NTNG2: variants seen among roughly 807,000 people sequenced by gnomAD.
NTNG2 encodes netrin G2, also known as netrin-G2.
A neutral mutation model predicts 47.6 loss-of-function variants in NTNG2; 15 were observed. The ratio of observed to expected loss-of-function variants is 0.32; its 90% CI spans 0.21 to 0.49. The LOEUF is 0.49. NTNG2 is among the 20% of genes least tolerant of loss of function. The probability of loss-of-function intolerance (pLI) is 0.99; values close to 1 mark genes in which losing one functional copy is unlikely to be tolerated. For missense variants in NTNG2, 578 were observed against 764.6 expected, an observed-to-expected ratio of 0.76 and a Z score of 2.88; for synonymous variants, 307 against 324.6, an observed-to-expected ratio of 0.95 and a Z score of 0.58.
In NTNG2 at chr9:132,180,576, C is replaced by T. The variant is rs370517286; in HGVS notation, c.213+13532C>T. Among the ~76,000 whole-genome samples the T allele has an allele frequency of 2.0e-5, 3 of 152,360 alleles. No homozygotes were observed. The highest frequency in any genetic ancestry group is 1.9e-4 in the East Asian group (1 of 5,184). On this transcript the variant is annotated intron_variant, in intron 2 of 7. Coordinates refer to ENST00000393229, the MANE Select transcript of NTNG2 (RefSeq NM_032536.4). The surrounding 1 kb of genome is among the most constrained non-coding windows in gnomAD (Gnocchi z 4.2). ...CTGGCTGCCAGGAACTGGGTGGCCCCGGGCAAGTCTCTTCCCATTTCGGGG... is the reference window on the plus strand; with the variant it reads ...CTGGCTGCCAGGAACTGGGTGGCCCTGGGCAAGTCTCTTCCCATTTCGGGG...
intron 3 of NTNG2, among the ~76,000 whole-genome samples, chr9:132,223,161 C>T (rs1459274502): frequency 6.6e-6 from 1 of 152,076 alleles, no homozygotes; most frequent in African/African-American, 2.4e-5. Flanking sequence ...ATTTCCCTAA[C>T]CATTCTGCAG....
At chr9:132,176,443 A>G (rs1012355605) in intron 2 of NTNG2, among the ~76,000 whole-genome samples, 2 of 152,200 alleles carry the variant, frequency 1.3e-5, no homozygotes, top group African/African-American at 4.8e-5. Context: ...ATCAGACAAT[A>G]TGAGGCTCTT....
At chr9:132,169,927 G>A (rs537325296) in intron 2 of NTNG2, among the ~76,000 whole-genome samples, 1 of 152,336 alleles carries the variant, frequency 6.6e-6, no homozygotes, top group East Asian at 1.9e-4. Context: ...GAAGATGCAG[G>A]CTGGGGGAGC....
At chr9:132,225,774 G>A (rs1224214663) in intron 3 of NTNG2, among the ~76,000 whole-genome samples, 1 of 152,178 alleles carries the variant, frequency 6.6e-6, no homozygotes, top group Non-Finnish European at 1.5e-5. Context: ...TAATTGGTAT[G>A]CTTTTGAGGT....
intron 2 of NTNG2, among the ~76,000 whole-genome samples, chr9:132,187,569 AAGAGAGAGAG>A (rs66498690): frequency 3.6e-5 from 5 of 139,054 alleles, no homozygotes; most frequent in South Asian, 2.5e-4. Flanking sequence ...GAGAGGGAGC[AAGAGAGAGAG>A]AGAGAGAGAG....
intron 3 of NTNG2, among the ~76,000 whole-genome samples, chr9:132,222,906 T>C (rs1840446022): frequency 6.6e-6 from 1 of 151,782 alleles, no homozygotes; most frequent in African/African-American, 2.4e-5. Flanking sequence ...CAACCAGGAG[T>C]TTGAGACCAG....
intron 2 of NTNG2, among the ~76,000 whole-genome samples, chr9:132,185,858 GGGA>G (rs1384685225): frequency 2.7e-5 from 4 of 148,632 alleles, no homozygotes; most frequent in African/African-American, 7.5e-5. Flanking sequence ...GAGGAGGAGT[GGGA>G]GGAGGAGGAG....
In NTNG2 at chr9:132,172,722, A is replaced by ATTTTT. The variant is rs35406789; in HGVS notation, c.213+5698_213+5702dup. Among the ~76,000 whole-genome samples the ATTTTT allele has an allele frequency of 1.4e-3, 121 of 83,468 alleles. 2 individuals carry two copies. The highest frequency in any genetic ancestry group is 5.6e-3 in the African/African-American group (114 of 20,236). The allele number at this position is 83,468 out of a possible 152,430, so 54.8% of individuals were successfully genotyped here. ...TCAGAGGAGGCAGGATCAGGGCTGT[A>ATTTTT]TTTTTTTTTTTTTTTTTTTTTTTTG... On this transcript the variant is annotated intron_variant, in intron 2 of 7. Coordinates refer to ENST00000393229, the MANE Select transcript of NTNG2 (RefSeq NM_032536.4).
chr9:132,194,952 C>G (rs1347526802), intron 2 of NTNG2, among the ~76,000 whole-genome samples: 1 of 152,346 alleles, frequency 6.6e-6, no homozygotes, highest in Non-Finnish European at 1.5e-5. Context: ...GGGGGCCAAA[C>G]AGCTCATTTG....
intron 2 of NTNG2, among the ~76,000 whole-genome samples, chr9:132,174,666 A>G (rs981335397): frequency 3.9e-5 from 6 of 152,220 alleles, no homozygotes; most frequent in African/African-American, 1.4e-4. Context: ...TCAAGCCTGT[A>G]ATCCCAGCTC....
intron 3 of NTNG2, among the ~76,000 whole-genome samples, chr9:132,216,428 A>ATGTG (rs10578395): frequency 3.4e-4 from 30 of 87,672 alleles, no homozygotes; most frequent in Non-Finnish European, 4.9e-4. Flanking sequence ...GTGTGTGTGT[A>ATGTG]TGTGTGTGTG....
chr9:132,188,399 C>G (rs1254048191), intron 2 of NTNG2, among the ~76,000 whole-genome samples: 1 of 152,240 alleles, frequency 6.6e-6, no homozygotes, highest in Non-Finnish European at 1.5e-5. Context: ...CGTCCTTTCC[C>G]TTTTGGGTGA....
intron 3 of NTNG2, among the ~76,000 whole-genome samples, chr9:132,210,009 G>A (rs1375951723): frequency 1.3e-5 from 2 of 152,050 alleles, no homozygotes; most frequent in Admixed American, 1.3e-4. Context: ...TGTGTAAGGA[G>A]GAAAGGCTGA....
intron 2 of NTNG2, among the ~76,000 whole-genome samples, chr9:132,170,153 G>A (rs1490416894): frequency 7.2e-5 from 11 of 152,210 alleles, no homozygotes; most frequent in African/African-American, 1.4e-4. Context: ...ACCCAGGGGC[G>A]GACGGCCTTT....
intron 2 of NTNG2, among the ~76,000 whole-genome samples, chr9:132,169,990 C>G (rs553854617): frequency 6.6e-6 from 1 of 152,348 alleles, no homozygotes; most frequent in South Asian, 2.1e-4. Context: ...AGGGGGCGCC[C>G]TAATGGCGGC....
At chr9:132,222,934 G>A (rs572207221) in intron 3 of NTNG2, among the ~76,000 whole-genome samples, 19 of 152,248 alleles carry the variant, frequency 1.2e-4, no homozygotes, top group African/African-American at 4.6e-4. Flanking sequence ...AACACAGGGA[G>A]ACCCTATCTC....
intron 3 of NTNG2, among the ~76,000 whole-genome samples, chr9:132,205,817 G>A (rs1320486703): frequency 6.6e-6 from 1 of 152,124 alleles, no homozygotes; most frequent in African/African-American, 2.4e-5. Context: ...GGAAGTGGAG[G>A]TTGCAGTGAA....
In NTNG2 at chr9:132,223,007, G is replaced by A. The variant is rs140712497; in HGVS notation, c.858-3842G>A. ...CACGCGACTGTGGTCCCAGCTACTC[G>A]GGAGGCTGAGGAGGGAGGATTGCTT... On this transcript the variant is annotated intron_variant, in intron 3 of 7. Transcript: ENST00000393229. 7.5e-3 allele frequency among the ~76,000 whole-genome samples: 1,141 copies of A among 152,274 alleles called. 19 individuals carry two copies. Among genetic ancestry groups the A allele is most frequent in the African/African-American group, 0.026 (1,086 of 41,536 alleles).
rs1433846980 is a variant in NTNG2 at position 132,229,703 on chromosome 9, C to T, written c.1031-869C>T. 2.0e-5 allele frequency among the ~76,000 whole-genome samples: 3 copies of T among 152,220 alleles called. 1 individual carries two copies. Among genetic ancestry groups the T allele is most frequent in the Non-Finnish European group, 2.9e-5 (2 of 68,036 alleles). On this transcript the variant is annotated intron_variant, in intron 4 of 7. Transcript: ENST00000393229. ...AGGAGTGGGTGGGGATGGGCTTGTC[C>T]TCCCAGGCCTCCCTGCCTGTCCTGC...
Sources: gnomAD v4.1 joint callset for allele counts (sites outside exome capture counted in the v4.1 genomes callset) on GRCh38, gnomAD v4.1.1 for gene constraint, Gnocchi (gnomAD v3.1) non-coding constraint, MANE v1.5 for transcripts, NCBI Gene and HGNC (gene_info 2026-07-23, HGNC 2026-07-21) for gene names.